The following SUGCT variants were observed in gnomAD, a reference collection of about 807,000 sequenced individuals.
The protein encoded by SUGCT is succinyl-CoA:glutarate-CoA transferase, also known as succinyl-CoA:glutarate CoA-transferase.
A neutral mutation model predicts 55.0 loss-of-function variants in SUGCT; 41 were observed. That is an observed-to-expected ratio of 0.74 (90% CI 0.58 to 0.97). The LOEUF is 0.97. Among genes scored for constraint, SUGCT ranks in the 50% least tolerant of loss-of-function variants. SUGCT has a pLI of 0.00. For synonymous variants in SUGCT, 187 were observed against 200.4 expected (o/e 0.93, Z 0.56); for missense variants, 568 against 547.8 (o/e 1.04, Z -0.37).
rs1790943716 is a variant in SUGCT at position 40,803,820 on chromosome 7, A to ATTTGTCT, written c.1153+54327_1153+54333dup. On this transcript the variant is annotated intron_variant, in intron 13 of 13. Transcript: ENST00000335693. ...ATTTCCAGCACATTTGTGCTGTTGCATTTGTCTTTTCAAATGCTAGTTTTA... is the reference window on the plus strand; with the variant it reads ...ATTTCCAGCACATTTGTGCTGTTGCATTTGTCTTTTGTCTTTTCAAATGCTAGTTTTA... Among the ~76,000 whole-genome samples, 4 of 152,182 alleles carry ATTTGTCT rather than the reference A, an allele frequency of 2.6e-5. No individual in the cohort carries two copies. In the South Asian group the frequency reaches 8.3e-4, roughly 32 times the overall value.
intron 11 of SUGCT, among the ~76,000 whole-genome samples, chr7:40,467,280 G>A (rs548608075): frequency 6.6e-6 from 1 of 150,710 alleles, no homozygotes. Flanking sequence ...GCCTATTTGA[G>A]GAAAATCTTT....
At position 40,504,246 on chromosome 7, in the gene SUGCT, AAAAC is replaced by A. The variant is rs143157340; in HGVS notation, c.1089+7883_1089+7886del. On this transcript the variant is annotated intron_variant, in intron 12 of 13. Coordinates refer to ENST00000335693, the MANE Select transcript of SUGCT (RefSeq NM_001193313.2). ...GAGAATAGACCTTCTTCTTTTTTAA[AAAAC>A]AAACAAACAAACAAACAAACAAGGT... Among the ~76,000 whole-genome samples, 119 of 152,076 alleles carry A rather than the reference AAAAC, an allele frequency of 7.8e-4. 1 individual carries two copies. In the South Asian group the frequency reaches 9.5e-3, roughly 12 times the overall value.
chr7:40,205,508 G>T (rs1786915266), intron 6 of SUGCT, among the ~76,000 whole-genome samples: 1 of 151,660 alleles, frequency 6.6e-6, no homozygotes, highest in African/African-American at 2.4e-5. Context: ...GGGCATGGTG[G>T]TGCATGCCTG....
chr7:41,009,264 G>T, the SUGCT span, among the ~76,000 whole-genome samples: 1 of 146,534 alleles, frequency 6.8e-6, no homozygotes, highest in Non-Finnish European at 1.5e-5. Flanking sequence ...TGGAATGAAA[G>T]ATTCGATTTC....
chr7:40,569,754 T>C (rs767680689), intron 12 of SUGCT, among the ~76,000 whole-genome samples: 2 of 152,192 alleles, frequency 1.3e-5, no homozygotes, highest in Non-Finnish European at 2.9e-5. Context: ...AGTTACAATA[T>C]AAAAAGCAAT....
intron 12 of SUGCT, among the ~76,000 whole-genome samples, chr7:40,701,398 C>T (rs1362391485): frequency 1.3e-5 from 2 of 152,340 alleles, no homozygotes; most frequent in Admixed American, 6.5e-5. Flanking sequence ...CAGCTTCGCT[C>T]CTACAGCACT....
chr7:40,644,678 G>C (rs1318519104), intron 12 of SUGCT, among the ~76,000 whole-genome samples: 1 of 152,162 alleles, frequency 6.6e-6, no homozygotes, highest in Non-Finnish European at 1.5e-5. Context: ...TCAGGCAGTT[G>C]CCAGCTATTA....
At chr7:40,141,932 C>T (rs572708001) in intron 1 of SUGCT, 48 of 289,638 alleles carry the variant, frequency 1.7e-4, no homozygotes, top group Non-Finnish European at 2.9e-4. Flanking sequence ...GCACGTGGCC[C>T]CGCTGCTGTG....
intron 13 of SUGCT, among the ~76,000 whole-genome samples, chr7:40,757,768 A>G (rs1177693484): frequency 6.6e-6 from 1 of 152,198 alleles, no homozygotes; most frequent in Non-Finnish European, 1.5e-5. Flanking sequence ...CCACAGGAAG[A>G]GTAAAAGGCT....
chr7:40,980,622 G>A, the SUGCT span, among the ~76,000 whole-genome samples: 12 of 148,840 alleles, frequency 8.1e-5, no homozygotes, highest in South Asian at 4.4e-4. Flanking sequence ...ATAGACATTC[G>A]TACTGTAAAA....
chr7:40,826,372 A>C (rs1308508407), intron 13 of SUGCT, among the ~76,000 whole-genome samples: 2 of 152,176 alleles, frequency 1.3e-5, no homozygotes, highest in Non-Finnish European at 1.5e-5. Flanking sequence ...CATTGCAAAC[A>C]TGCTATACAC....
At chr7:40,235,114 C>G (rs1788938975) in intron 6 of SUGCT, among the ~76,000 whole-genome samples, 1 of 151,670 alleles carries the variant, frequency 6.6e-6, no homozygotes, top group Non-Finnish European at 1.5e-5. Flanking sequence ...TGTTTTAACA[C>G]CTTTTTTTAA....
intron 9 of SUGCT, among the ~76,000 whole-genome samples, chr7:40,331,570 T>C (rs1796311393): frequency 6.7e-6 from 1 of 148,966 alleles, no homozygotes. Context: ...TGACTGCCAG[T>C]ACTACACGAG....
At chr7:40,611,805 G>A (rs1798777913) in intron 12 of SUGCT, among the ~76,000 whole-genome samples, 1 of 152,006 alleles carries the variant, frequency 6.6e-6, no homozygotes, top group Non-Finnish European at 1.5e-5. Flanking sequence ...CATTTTATAG[G>A]TAAAGAAACT....
chr7:40,847,739 T>C (rs1053847227), intron 13 of SUGCT, among the ~76,000 whole-genome samples: 15 of 152,072 alleles, frequency 9.9e-5, no homozygotes, highest in African/African-American at 2.9e-4. Context: ...TCACAATTCA[T>C]TGGGCTCACA....
At chr7:40,443,443 T>G (rs562340582) in intron 9 of SUGCT, among the ~76,000 whole-genome samples, 11 of 152,334 alleles carry the variant, frequency 7.2e-5, no homozygotes, top group African/African-American at 2.4e-4. Flanking sequence ...TATCTCATTG[T>G]GATTTTGATT....
At chr7:40,237,480 T>C (rs1789091046) in intron 6 of SUGCT, among the ~76,000 whole-genome samples, 155 bp from the exon 7 acceptor site, 1 of 152,076 alleles carries the variant, frequency 6.6e-6, no homozygotes, top group Admixed American at 6.6e-5. Flanking sequence ...AGCACTATAA[T>C]GAATTCTTAC....
rs138466705 is a variant in SUGCT, at chr7:40,639,885, C to T, written c.1090-109549C>T. On this transcript the variant is annotated intron_variant, in intron 12 of 13. Transcript: ENST00000335693. ...TGTCATTCAGTTTCTGGTTCTTAGTCGATACTCAATAAATGCTTTTTATTA... is the reference window on the plus strand; with the variant it reads ...TGTCATTCAGTTTCTGGTTCTTAGTTGATACTCAATAAATGCTTTTTATTA... 2.2e-3 allele frequency among the ~76,000 whole-genome samples: 334 copies of T among 151,972 alleles called. 3 individuals are homozygous for T. The highest frequency in any genetic ancestry group is 7.3e-3 in the African/African-American group (302 of 41,438).
At chr7:40,439,068 A>ATATATATGTGTG (rs1788343658) in intron 9 of SUGCT, among the ~76,000 whole-genome samples, 1 of 34,456 alleles carries the variant, frequency 2.9e-5, no homozygotes, top group African/African-American at 1.3e-4. Flanking sequence ...TATGGTGTAT[A>ATATATATGTGTG]TATATATATA....
Sources: gnomAD v4.1 joint callset for allele counts (sites outside exome capture counted in the v4.1 genomes callset) on GRCh38, gnomAD v4.1.1 for gene constraint, MANE v1.5 for transcripts, NCBI Gene and HGNC (gene_info 2026-07-23, HGNC 2026-07-21) for gene names.